The following NOL4 variants were observed in gnomAD, a reference collection of about 807,000 sequenced individuals.
The protein encoded by NOL4 is nucleolar protein 4, also known as cancer/testis antigen 125.
NOL4 carries 17 observed loss-of-function variants against 75.9 expected under a neutral mutation model. That is an observed-to-expected ratio of 0.22 (90% CI 0.15 to 0.34). NOL4 has a LOEUF of 0.34. Among genes scored for constraint, NOL4 ranks in the 10% least tolerant of loss-of-function variants. NOL4 has a pLI of 1.00. For synonymous variants in NOL4, 292 were observed against 289.9 expected (o/e 1.01, Z -0.07); for missense variants, 614 against 793.5 (o/e 0.77, Z 2.72).
At chr18:34,192,245 T>C (rs986458885) in intron 1 of NOL4, among the ~76,000 whole-genome samples, 2 of 152,194 alleles carry the variant, frequency 1.3e-5, no homozygotes, top group Non-Finnish European at 2.9e-5. Flanking sequence ...AATGAAATCC[T>C]ATGTTCATGA....
chr18:34,098,643 G>T (rs1269485808), intron 4 of NOL4, among the ~76,000 whole-genome samples: 1 of 152,048 alleles, frequency 6.6e-6, no homozygotes, highest in Non-Finnish European at 1.5e-5. Flanking sequence ...AAAGAAAACT[G>T]AAAAACATCT....
At chr18:34,004,019 T>C (rs1172360621) in intron 6 of NOL4, among the ~76,000 whole-genome samples, 2 of 152,106 alleles carry the variant, frequency 1.3e-5, no homozygotes, top group Admixed American at 6.6e-5. Context: ...GCCTGCTACC[T>C]GGAGGCTTCA....
At chr18:34,214,948 G>A (rs569528413) in intron 1 of NOL4, among the ~76,000 whole-genome samples, 2 of 152,214 alleles carry the variant, frequency 1.3e-5, no homozygotes, top group South Asian at 4.1e-4. Context: ...CTTATATGAG[G>A]CATCTAAAGT....
rs183807833 is a variant in NOL4 at position 34,210,028 on chromosome 18, T to C, written c.264+12962A>G. 5.9e-5 allele frequency among the ~76,000 whole-genome samples: 9 copies of C among 152,342 alleles called. No individual in the cohort carries two copies. In the East Asian group the frequency reaches 1.7e-3, roughly 29 times the overall value. ...AACTTATTAACACTTCCTATGTTAA[T>C]TTAAAAAGCTCTTGTTATCAATTGT... On this transcript the variant is annotated intron_variant, in intron 1 of 10. Transcript: ENST00000261592.
intron 1 of NOL4, among the ~76,000 whole-genome samples, chr18:34,176,922 G>A (rs555769347): frequency 1.3e-5 from 2 of 152,054 alleles, no homozygotes; most frequent in East Asian, 3.9e-4. Context: ...ATTACTGAAA[G>A]CAATAAGAGA....
intron 9 of NOL4, among the ~76,000 whole-genome samples, chr18:33,885,505 C>A (rs2064584459): frequency 1.3e-5 from 2 of 151,962 alleles, no homozygotes; most frequent in Admixed American, 6.6e-5. Flanking sequence ...AAAAAATGAG[C>A]AAAAGAGTTG....
chr18:34,091,031 T>C (rs1474110150), intron 5 of NOL4, among the ~76,000 whole-genome samples: 1 of 151,928 alleles, frequency 6.6e-6, no homozygotes, highest in Non-Finnish European at 1.5e-5. Context: ...TCTCATCTGA[T>C]GAATAGGATT....
At chr18:33,991,006 G>T (rs140613423) in intron 6 of NOL4, among the ~76,000 whole-genome samples, 1 of 151,660 alleles carries the variant, frequency 6.6e-6, no homozygotes, top group Non-Finnish European at 1.5e-5. Context: ...TCTTATACCC[G>T]CTATGCCTGT....
At chr18:34,178,219 C>A (rs2033726212) in intron 1 of NOL4, among the ~76,000 whole-genome samples, 1 of 151,276 alleles carries the variant, frequency 6.6e-6, no homozygotes, top group Non-Finnish European at 1.5e-5. Flanking sequence ...CCCACAACAA[C>A]CACTAAGAAA....
intron 9 of NOL4, among the ~76,000 whole-genome samples, chr18:33,903,955 C>T (rs1272264995): frequency 3.3e-5 from 5 of 152,060 alleles, no homozygotes; most frequent in East Asian, 3.9e-4. Context: ...GGGTCTGTTT[C>T]GAGAGCTAAA....
chr18:33,990,354 C>T (rs1301079288), intron 6 of NOL4, among the ~76,000 whole-genome samples: 1 of 152,012 alleles, frequency 6.6e-6, no homozygotes, highest in Non-Finnish European at 1.5e-5. Flanking sequence ...CCTCTGACTC[C>T]CAGATCTTCC....
At chr18:34,219,061 T>C (rs565777464) in intron 1 of NOL4, among the ~76,000 whole-genome samples, 1 of 150,608 alleles carries the variant, frequency 6.6e-6, no homozygotes, top group Admixed American at 6.6e-5. Flanking sequence ...ATTAGTAGTA[T>C]GCACAGCAAG....
At chr18:34,141,665 C>T (rs983799506) in intron 1 of NOL4, among the ~76,000 whole-genome samples, 15 of 152,276 alleles carry the variant, frequency 9.9e-5, no homozygotes, top group African/African-American at 3.6e-4. Flanking sequence ...TTCCTTACAC[C>T]TTATACAAAA....
chr18:34,193,299 A>C (rs1423581117), intron 1 of NOL4, among the ~76,000 whole-genome samples: 1 of 152,196 alleles, frequency 6.6e-6, no homozygotes, highest in Non-Finnish European at 1.5e-5. Context: ...AGCCAAGGAA[A>C]CAATTGACAG....
chr18:34,213,675 C>T (rs567376247), intron 1 of NOL4, among the ~76,000 whole-genome samples: 1 of 152,278 alleles, frequency 6.6e-6, no homozygotes, highest in Admixed American at 6.5e-5. Flanking sequence ...TTCTCTCTCA[C>T]AAAAGGGCTC....
At chr18:34,074,153 T>G (rs1262819294) in intron 5 of NOL4, among the ~76,000 whole-genome samples, 2 of 151,858 alleles carry the variant, frequency 1.3e-5, no homozygotes, top group Non-Finnish European at 2.9e-5. Context: ...TTCATATTTT[T>G]GGAATATTTT....
At chr18:34,040,058 T>C (rs1465430152) in intron 5 of NOL4, among the ~76,000 whole-genome samples, 2 of 152,010 alleles carry the variant, frequency 1.3e-5, no homozygotes. Context: ...CATTTTGATT[T>C]AGAATATTTT....
chr18:34,000,254 G>A (rs1389411584), intron 6 of NOL4, among the ~76,000 whole-genome samples: 4 of 152,066 alleles, frequency 2.6e-5, no homozygotes, highest in African/African-American at 7.2e-5. Context: ...CTCAGGAGCT[G>A]GCCAGTTGCT....
chr18:33,904,169 T>C (rs907866001), intron 9 of NOL4, among the ~76,000 whole-genome samples: 4 of 152,140 alleles, frequency 2.6e-5, no homozygotes, highest in Non-Finnish European at 4.4e-5. Context: ...AATTATTAAC[T>C]AGCTTTAAGT....
Sources: gnomAD v4.1 joint callset for allele counts (sites outside exome capture counted in the v4.1 genomes callset) on GRCh38, gnomAD v4.1.1 for gene constraint, MANE v1.5 for transcripts, NCBI Gene and HGNC (gene_info 2026-07-23, HGNC 2026-07-21) for gene names.